SNTG2: variants seen among roughly 807,000 people sequenced by gnomAD.
SNTG2 encodes gamma-2-syntrophin.
Under a neutral mutation model 70.9 loss-of-function variants are expected in SNTG2, and 74 were observed. The observed-to-expected ratio is 1.04, with a 90% CI of 0.86 to 1.27. The LOEUF is 1.27. SNTG2 is among the 50% of genes most tolerant of loss of function. The probability of loss-of-function intolerance (pLI) is 0.00; values close to 1 mark genes in which losing one functional copy is unlikely to be tolerated. For missense variants in SNTG2, 717 were observed against 690.7 expected, an observed-to-expected ratio of 1.04 and a Z score of -0.43; for synonymous variants, 278 against 273.8, an observed-to-expected ratio of 1.02 and a Z score of -0.15.
At chr2:1,310,261 C>T (rs1029410244) in intron 15 of SNTG2, among the ~76,000 whole-genome samples, 20 of 152,306 alleles carry the variant, frequency 1.3e-4, no homozygotes, top group African/African-American at 4.1e-4. Context: ...GCTGGCCCAC[C>T]GGCCCCATTG....
At chr2:1,170,063 C>A (rs759782157) in intron 7 of SNTG2, among the ~76,000 whole-genome samples, 1 of 152,110 alleles carries the variant, frequency 6.6e-6, no homozygotes, top group Non-Finnish European at 1.5e-5. Flanking sequence ...AGAAATCCAC[C>A]GAGCAGCTCC....
intron 12 of SNTG2, among the ~76,000 whole-genome samples, chr2:1,254,715 G>A (rs1677947733): frequency 6.6e-6 from 1 of 152,210 alleles, no homozygotes; most frequent in Non-Finnish European, 1.5e-5. Context: ...TTCAAGCCAA[G>A]TGTGGCCAGA....
intron 1 of SNTG2, among the ~76,000 whole-genome samples, chr2:1,026,163 T>TTTGTTG (rs990114256): frequency 6.6e-6 from 1 of 152,262 alleles, no homozygotes; most frequent in South Asian, 2.1e-4. Flanking sequence ...TTTTGAAAAG[T>TTTGTTG]TTGTTGTTGT....
rs147857541 is a variant in SNTG2 at position 1,284,510 on chromosome 2, A to G, written c.1284+16939A>G. On this transcript the variant is annotated intron_variant, in intron 14 of 16. Transcript: ENST00000308624. ...ATCACAGTCAAGCACCCCTCGAAAAACTTACAAAACCACCCAAAAAGAGAA... is the reference window on the plus strand; with the variant it reads ...ATCACAGTCAAGCACCCCTCGAAAAGCTTACAAAACCACCCAAAAAGAGAA... 7.3e-3 allele frequency among the ~76,000 whole-genome samples: 1,106 copies of G among 152,232 alleles called. 9 individuals are homozygous for G. The highest frequency in any genetic ancestry group is 0.013 in the Non-Finnish European group (866 of 68,022).
intron 8 of SNTG2, among the ~76,000 whole-genome samples, chr2:1,182,992 C>G (rs772648038): frequency 6.6e-6 from 1 of 152,052 alleles, no homozygotes; most frequent in African/African-American, 2.4e-5. Context: ...TGGGCTCAAG[C>G]AATCCTCCCT....
chr2:982,281 T>C (rs534262284), intron 1 of SNTG2, among the ~76,000 whole-genome samples: 1 of 152,348 alleles, frequency 6.6e-6, no homozygotes, highest in South Asian at 2.1e-4. Flanking sequence ...TGTTTTAATA[T>C]AAAGTAAGCC....
chr2:1,182,999 C>T (rs1672016702), intron 8 of SNTG2, among the ~76,000 whole-genome samples: 1 of 152,154 alleles, frequency 6.6e-6, no homozygotes. Flanking sequence ...AAGCAATCCT[C>T]CCTCCTCAGC....
chr2:989,772 A>G (rs538827752), intron 1 of SNTG2, among the ~76,000 whole-genome samples: 78 of 152,380 alleles, frequency 5.1e-4, no homozygotes, highest in African/African-American at 1.8e-3. Context: ...AAGCGACTTA[A>G]GACTAGACCC....
intron 8 of SNTG2, among the ~76,000 whole-genome samples, chr2:1,181,228 T>TA (rs1360541031): frequency 2.0e-5 from 3 of 151,520 alleles, no homozygotes; most frequent in South Asian, 2.1e-4. Context: ...AATAATAAAA[T>TA]AAATAAAGCA....
chr2:1,233,636 T>C lies in SNTG2; in HGVS notation c.720-4252T>C, dbSNP rs1259034711. 5.3e-5 allele frequency among the ~76,000 whole-genome samples: 8 copies of C among 152,344 alleles called. No individual in the cohort carries two copies. The South Asian group carries it at 1.7e-3, about 32-fold the overall frequency. ...CACAGGAGGTGGAGACCTGAGCACG[T>C]AACTTCAATTCCTTAATGTCCTAAT... On this transcript the variant is annotated intron_variant, in intron 9 of 16. Transcript: ENST00000308624.
intron 1 of SNTG2, among the ~76,000 whole-genome samples, chr2:984,291 A>T (rs1661232596): frequency 1.4e-5 from 2 of 147,102 alleles, no homozygotes; most frequent in Admixed American, 6.8e-5. Flanking sequence ...GCACACTTTC[A>T]TGCAGTTAAT....
chr2:1,266,133 GAGAA>G (rs1678717446), intron 13 of SNTG2, among the ~76,000 whole-genome samples: 1 of 152,078 alleles, frequency 6.6e-6, no homozygotes, highest in South Asian at 2.1e-4. Flanking sequence ...AATGGAGAGA[GAGAA>G]AGAGACACAA....
At chr2:1,279,075 A>T (rs76673539) in intron 14 of SNTG2, among the ~76,000 whole-genome samples, 2 of 79,028 alleles carry the variant, frequency 2.5e-5, no homozygotes, top group African/African-American at 7.5e-5. Context: ...CAGTGCGCGA[A>T]TGACCCCTCT....
chr2:1,027,204 G>T (rs1291178541), intron 1 of SNTG2, among the ~76,000 whole-genome samples: 1 of 152,180 alleles, frequency 6.6e-6, no homozygotes. Flanking sequence ...AGATGCTCCC[G>T]GGCCCACAGT....
chr2:1,217,946 G>T (rs974595447), intron 9 of SNTG2, among the ~76,000 whole-genome samples: 2 of 151,950 alleles, frequency 1.3e-5, no homozygotes, highest in African/African-American at 4.8e-5. Context: ...CTCTGCTTGG[G>T]ATCTCACCAG....
At chr2:1,148,512 T>A (rs66706522) in intron 6 of SNTG2, among the ~76,000 whole-genome samples, 150,293 of 152,296 alleles carry the variant, frequency 0.99, 74,187 homozygotes, top group East Asian at 1. Context: ...AGGAGTCAGC[T>A]AAGGACCTGC....
In SNTG2 at chr2:1,041,599, C is replaced by T. The variant is rs879570334; in HGVS notation, c.73-41919C>T. Among the ~76,000 whole-genome samples the T allele has an allele frequency of 2.0e-5, 3 of 152,228 alleles. No individual in the cohort carries two copies. The East Asian group carries it at 5.8e-4, about 30-fold the overall frequency. Reference sequence around the variant, plus strand: ...CCTCCTGGTAGTGAGTGAGTTCTCACGAGATCTGGTTGAGTAAACATGAGC... The same window carrying T: ...CCTCCTGGTAGTGAGTGAGTTCTCATGAGATCTGGTTGAGTAAACATGAGC... On this transcript the variant is annotated intron_variant, in intron 1 of 16. Transcript: ENST00000308624.
At chr2:956,667 G>A (rs1660172162) in intron 1 of SNTG2, among the ~76,000 whole-genome samples, 1 of 152,260 alleles carries the variant, frequency 6.6e-6, no homozygotes, top group Non-Finnish European at 1.5e-5. Context: ...GCTGCTGTGA[G>A]CCCGTGGAGG....
intron 16 of SNTG2, among the ~76,000 whole-genome samples, chr2:1,367,081 G>A (rs906132749): frequency 5.9e-5 from 9 of 152,176 alleles, no homozygotes; most frequent in African/African-American, 1.4e-4. Flanking sequence ...ATTAGCCCCC[G>A]TTAGGTGCAA....
Sources: allele counts gnomAD v4.1 joint callset (sites outside exome capture counted in the v4.1 genomes callset), GRCh38; gene constraint gnomAD v4.1.1; transcripts MANE v1.5; gene names NCBI Gene and HGNC (gene_info 2026-07-23, HGNC 2026-07-21).